Variants in TRAIP observed in about 807,000 individuals in gnomAD.
The protein encoded by TRAIP is E3 ubiquitin-protein ligase TRAIP.
TRAIP carries 37 observed loss-of-function variants against 65.0 expected under a neutral mutation model. The observed-to-expected ratio is 0.57, with a 90% confidence interval of 0.44 to 0.75. The LOEUF is 0.75. Among genes scored for constraint, TRAIP ranks in the 30% least tolerant of loss-of-function variants. The pLI is 0.00. For synonymous variants in TRAIP, 187 were observed against 219.1 expected (o/e 0.85, Z 1.29); for missense variants, 481 against 579.4 (o/e 0.83, Z 1.74).
In TRAIP at chr3:49,847,522, T is replaced by C. The variant is rs758862419; in HGVS notation, c.240+3A>G. 1.1e-5 allele frequency: 18 copies of C among 1,597,604 alleles called. No individual in the cohort carries two copies. The South Asian group carries it at 1.2e-4, about 11-fold the overall frequency. On this transcript the variant is annotated splice_donor_region_variant and intron_variant, in intron 3 of 14. Transcript: ENST00000331456. ...TCAGTAGAATCAGATAAATTCTGGGTACCTTTAAGAATTCTGCATCCAAGA... is the reference window on the plus strand; with the variant it reads ...TCAGTAGAATCAGATAAATTCTGGGCACCTTTAAGAATTCTGCATCCAAGA...
intron 1 of TRAIP, among the ~76,000 whole-genome samples, chr3:49,848,567 A>G (rs1195073843): frequency 1.3e-5 from 2 of 152,236 alleles, no homozygotes; most frequent in African/African-American, 4.8e-5. Flanking sequence ...CTTTCAAGGT[A>G]AGGATCAACC....
In TRAIP at chr3:49,847,441, A is replaced by T. The variant is rs1455229667; in HGVS notation, c.240+84T>A. The T allele has an allele frequency of 1.5e-5, 13 of 845,852 alleles. No individual in the cohort carries two copies. The Admixed American group carries it at 3.0e-4, about 20-fold the overall frequency. 52.4% of individuals were successfully genotyped at this position (845,852 alleles called of 1,614,324 possible). ...AGAAAAGAGAAGAGAAGAGAAGAGA[A>T]GAGAAAAAAGAAAAGAAAAGAAAAA... is the stretch of plus-strand genomic sequence containing the variant. On this transcript the variant is annotated intron_variant, in intron 3 of 14. Transcript: ENST00000331456.
chr3:49,829,319 G>T, intron 14 of TRAIP, 94 bp from the exon 15 acceptor site: 1 of 1,611,546 alleles, frequency 6.2e-7, no homozygotes, highest in South Asian at 1.1e-5. Context: ...TCAGAGCCGG[G>T]GGTGGGCGGC....
At position 49,829,197 on chromosome 3, in the gene TRAIP, G is replaced by C. The variant is rs149640331; in HGVS notation, c.1316C>G (p.Pro439Arg). Reference sequence around the variant, plus strand: ...CTTAACCTTGGTCTTGGGCTTAACAGGCAATGGGCGGATCATGACTGTGTC... The same window carrying C: ...CTTAACCTTGGTCTTGGGCTTAACACGCAATGGGCGGATCATGACTGTGTC... ...PTDTVMIRPL[P>R]VKPKTKVKQR... Residue 439 changes from proline (P) to arginine (R), a missense_variant, in exon 15 of 15, where the codon CCT (proline) becomes CGT (arginine). By Grantham distance (103) the Pro-to-Arg change is moderately radical. Coordinates refer to ENST00000331456, the MANE Select transcript of TRAIP (RefSeq NM_005879.3). The C allele has an allele frequency of 3.7e-5, 60 of 1,614,134 alleles. No individual in the cohort carries two copies. Among genetic ancestry groups the C allele is most frequent in the Admixed American group, 2.7e-4 (16 of 60,004 alleles).
At chr3:49,844,246 C>A (rs896342367) in intron 4 of TRAIP, among the ~76,000 whole-genome samples, 4 of 152,188 alleles carry the variant, frequency 2.6e-5, no homozygotes, top group Admixed American at 6.5e-5. Context: ...AACTCAGCAG[C>A]TGAGCCCTCT....
At chr3:49,830,305 A>G (rs974746167) in intron 11 of TRAIP, among the ~76,000 whole-genome samples, 2 of 152,098 alleles carry the variant, frequency 1.3e-5, no homozygotes, top group East Asian at 1.9e-4. Context: ...CCATGTCCCA[A>G]TCCTGTGGCT....
chr3:49,852,148 C>T (rs2081937921), intron 1 of TRAIP, among the ~76,000 whole-genome samples: 1 of 150,592 alleles, frequency 6.6e-6, no homozygotes. Context: ...GCGGGCAGAT[C>T]ACGAGGTCAG....
intron 10 of TRAIP, among the ~76,000 whole-genome samples, chr3:49,835,807 C>T (rs1012526269): frequency 7.3e-5 from 11 of 151,438 alleles, no homozygotes; most frequent in South Asian, 2.1e-4. Flanking sequence ...GGCGTGGTGG[C>T]GGGCACCTGT....
intron 13 of TRAIP, 34 bp downstream of exon 13, chr3:49,829,583 G>A (rs1276270837): frequency 6.2e-7 from 1 of 1,614,142 alleles, no homozygotes; most frequent in South Asian, 1.1e-5. Flanking sequence ...ACCCAAGAGG[G>A]CTGGCTCCTG....
chr3:49,844,621 T>G (rs368402734), intron 3 of TRAIP, 41 bp from the exon 4 acceptor site: 2 of 1,612,768 alleles, frequency 1.2e-6, no homozygotes, highest in Non-Finnish European at 1.7e-6. Context: ...GAAAGCATCA[T>G]AGCTGACCTC....
chr3:49,852,855 C>T (rs1044445978), intron 1 of TRAIP, among the ~76,000 whole-genome samples: 1 of 152,154 alleles, frequency 6.6e-6, no homozygotes, highest in Non-Finnish European at 1.5e-5. Context: ...GGCACAATGG[C>T]TCATGGCTGT....
chr3:49,833,774 C>T (rs759018050), intron 10 of TRAIP, among the ~76,000 whole-genome samples: 9 of 152,170 alleles, frequency 5.9e-5, no homozygotes, highest in Non-Finnish European at 1.2e-4. Context: ...CCACCGCGCC[C>T]GGCCTTGTCT....
At chr3:49,835,215 A>C (rs571944641) in intron 10 of TRAIP, among the ~76,000 whole-genome samples, 1 of 152,308 alleles carries the variant, frequency 6.6e-6, no homozygotes, top group African/African-American at 2.4e-5. Context: ...CTCAAAAAAA[A>C]ATTAAATATG....
chr3:49,853,185 C>G (rs1045529420), intron 1 of TRAIP, among the ~76,000 whole-genome samples: 1 of 150,592 alleles, frequency 6.6e-6, no homozygotes, highest in African/African-American at 2.4e-5. Context: ...TATACCAAAA[C>G]TGCAGAAAGC....
chr3:49,846,028 C>T lies in TRAIP; in HGVS notation c.241-1448G>A, dbSNP rs371560344. Reference sequence around the variant, plus strand: ...ATCCAACTTCCTCAAGAGTTCTCTGCCAACGCAGCCTGCTTGCACACAAAA... The same window carrying T: ...ATCCAACTTCCTCAAGAGTTCTCTGTCAACGCAGCCTGCTTGCACACAAAA... On this transcript the variant is annotated intron_variant, in intron 3 of 14. Coordinates refer to ENST00000331456, the MANE Select transcript of TRAIP (RefSeq NM_005879.3). Among the ~76,000 whole-genome samples the T allele has an allele frequency of 7.2e-5, 11 of 152,228 alleles. No homozygotes were observed. In the East Asian group the frequency reaches 1.6e-3, roughly 21 times the overall value.
intron 10 of TRAIP, among the ~76,000 whole-genome samples, chr3:49,832,380 C>T (rs1036601253): frequency 7.3e-5 from 11 of 151,472 alleles, no homozygotes; most frequent in South Asian, 6.2e-4. Context: ...GTCCCAGCTA[C>T]TCGGGAGGCT....
In TRAIP at chr3:49,856,255, CT is replaced by C. The variant is rs1458024259; in HGVS notation, c.98+100del. 2.9e-6 allele frequency: 3 copies of C among 1,021,160 alleles called. No homozygotes were observed. The African/African-American group carries it at 4.8e-5, about 16-fold the overall frequency. 63.3% of individuals were successfully genotyped at this position (1,021,160 alleles called of 1,614,324 possible). On this transcript the variant is annotated intron_variant, in intron 1 of 14. Coordinates refer to ENST00000331456, the MANE Select transcript of TRAIP (RefSeq NM_005879.3). ...TCGTCTAGGAGGAAGGTTCTCATCA[CT>C]TGTCTGGATTCCGGGGTTGGACCGC...
At chr3:49,850,367 C>T (rs1413333410) in intron 1 of TRAIP, among the ~76,000 whole-genome samples, 2 of 151,700 alleles carry the variant, frequency 1.3e-5, no homozygotes, top group African/African-American at 4.8e-5. Flanking sequence ...GGTGTGGTGG[C>T]GCACGCCTGT....
At chr3:49,842,580 G>A in intron 5 of TRAIP, 33 bp from the exon 6 acceptor site, 1 of 1,596,442 alleles carries the variant, frequency 6.3e-7, no homozygotes, top group Non-Finnish European at 8.6e-7. Flanking sequence ...CCTGATGCTT[G>A]GAGGCCCTCA....
Sources: gnomAD v4.1 joint callset for allele counts (sites outside exome capture counted in the v4.1 genomes callset) on GRCh38, gnomAD v4.1.1 for gene constraint, MANE v1.5 for transcripts, NCBI Gene and HGNC (gene_info 2026-07-23, HGNC 2026-07-21) for gene names.